FAM174A: variants seen among roughly 807,000 people sequenced by gnomAD.
FAM174A encodes the protein family with sequence similarity 174 member A.
FAM174A carries 14 observed loss-of-function variants against 14.3 expected under a neutral mutation model. That is an observed-to-expected ratio of 0.98 (90% CI 0.65 to 1.53). The LOEUF (loss-of-function observed/expected upper bound fraction) is 1.53. FAM174A is among the 40% of genes most tolerant of loss of function. FAM174A has a pLI of 0.00. For synonymous variants in FAM174A, 108 were observed against 111.4 expected, an observed-to-expected ratio of 0.97 and a Z score of 0.19; for missense variants, 241 against 249.6, an observed-to-expected ratio of 0.97 and a Z score of 0.23.
intron 2 of FAM174A, among the ~76,000 whole-genome samples, chr5:100,566,531 A>AACAAT (rs2112390413): frequency 6.6e-6 from 1 of 151,968 alleles, no homozygotes; most frequent in East Asian, 1.9e-4. Context: ...GAATATAGTT[A>AACAAT]ACAATACAAT....
Position 100,535,760 on chromosome 5 carries a change from G to A in FAM174A, c.230G>A (p.Arg77Gln), listed in dbSNP as rs769645263. Reference protein sequence around the residue: ...GRGLAEAAGPRGSEGGNGSNP... With the variant: ...GRGLAEAAGPQGSEGGNGSNP... ...GGTCTGGCTGAAGCTGCGGGGCCGCGGGGCTCCGAGGGAGGCAATGGCAGC... is the reference window on the plus strand; with the variant it reads ...GGTCTGGCTGAAGCTGCGGGGCCGCAGGGCTCCGAGGGAGGCAATGGCAGC... The change falls in exon 1 of 3, where the codon CGG (arginine) becomes CAG (glutamine). Residue 77 changes from arginine to glutamine, a missense_variant. By Grantham distance (43) the Arg-to-Gln change is conservative. Transcript: ENST00000312637. The A allele has an allele frequency of 1.1e-5, 17 of 1,603,770 alleles. No individual in the cohort carries two copies. The highest frequency in any genetic ancestry group is 3.4e-5 in the Admixed American group (2 of 59,370).
At chr5:100,554,701 G>A (rs1398320897) in intron 1 of FAM174A, among the ~76,000 whole-genome samples, 1 of 152,138 alleles carries the variant, frequency 6.6e-6, no homozygotes, top group Non-Finnish European at 1.5e-5. Flanking sequence ...TCAGAGGTTA[G>A]CAAAGTATGG....
At chr5:100,564,792 C>T (rs1323241267) in intron 2 of FAM174A, among the ~76,000 whole-genome samples, 1 of 151,690 alleles carries the variant, frequency 6.6e-6, no homozygotes, top group Non-Finnish European at 1.5e-5. Flanking sequence ...AGATAAATTC[C>T]TAGAAACATA....
chr5:100,554,029 G>A (rs897207432), intron 1 of FAM174A, among the ~76,000 whole-genome samples: 11 of 151,990 alleles, frequency 7.2e-5, no homozygotes, highest in African/African-American at 1.9e-4. Flanking sequence ...TATATGACCC[G>A]GGAGAATCTA....
intron 2 of FAM174A, among the ~76,000 whole-genome samples, chr5:100,582,924 A>G (rs978409006): frequency 6.6e-6 from 1 of 152,158 alleles, no homozygotes; most frequent in African/African-American, 2.4e-5. Context: ...ACAGTCAAAA[A>G]TCCACGTGTA....
intron 2 of FAM174A, among the ~76,000 whole-genome samples, chr5:100,585,219 A>G (rs1747104151): frequency 6.6e-6 from 1 of 152,182 alleles, no homozygotes; most frequent in East Asian, 1.9e-4. Flanking sequence ...ATGATTTAAT[A>G]CTACATCTTT....
At chr5:100,557,643 ACTT>A (rs1746422380) in intron 1 of FAM174A, among the ~76,000 whole-genome samples, 1 of 151,964 alleles carries the variant, frequency 6.6e-6, no homozygotes, top group African/African-American at 2.4e-5. Context: ...CAGAGATTCA[ACTT>A]CTTCCTGGTT....
intron 1 of FAM174A, among the ~76,000 whole-genome samples, chr5:100,540,170 T>C (rs1209971828): frequency 2.6e-5 from 4 of 152,208 alleles, no homozygotes; most frequent in Non-Finnish European, 5.9e-5. Flanking sequence ...ATGAGTTGTT[T>C]TCTTTTTCTC....
At chr5:100,558,299 G>T (rs1746440917) in intron 1 of FAM174A, among the ~76,000 whole-genome samples, 2 of 152,166 alleles carry the variant, frequency 1.3e-5, no homozygotes, top group African/African-American at 4.8e-5. Flanking sequence ...TGTGGTCTGA[G>T]ATACAGTTTG....
chr5:100,581,500 C>CCG, intron 2 of FAM174A: 1 of 538,818 alleles, frequency 1.9e-6, no homozygotes, highest in Non-Finnish European at 2.4e-6. Context: ...TGCCTGTGAT[C>CCG]CCAACACTTT....
chr5:100,539,006 C>T (rs572840547), intron 1 of FAM174A, among the ~76,000 whole-genome samples: 3 of 152,070 alleles, frequency 2.0e-5, no homozygotes, highest in South Asian at 4.2e-4. Flanking sequence ...CATGCCATGT[C>T]GTTGGTTTTT....
chr5:100,577,120 C>A (rs570080475), intron 2 of FAM174A, among the ~76,000 whole-genome samples: 2 of 152,104 alleles, frequency 1.3e-5, no homozygotes, highest in South Asian at 4.2e-4. Context: ...TTTTAAATTA[C>A]CCTGATTTGA....
chr5:100,558,298 A>AT (rs1746440862), intron 1 of FAM174A, among the ~76,000 whole-genome samples: 2 of 152,144 alleles, frequency 1.3e-5, no homozygotes, highest in African/African-American at 4.8e-5. Context: ...CTGTGGTCTG[A>AT]GATACAGTTT....
chr5:100,539,299 G>T (rs1354614505), intron 1 of FAM174A, among the ~76,000 whole-genome samples: 4 of 152,120 alleles, frequency 2.6e-5, no homozygotes, highest in African/African-American at 4.8e-5. Context: ...TAGAGGAGCA[G>T]AGGGGCATTA....
chr5:100,571,218 C>T (rs1402168897), intron 2 of FAM174A, among the ~76,000 whole-genome samples: 3 of 151,064 alleles, frequency 2.0e-5, no homozygotes, highest in African/African-American at 4.9e-5. Context: ...TTAGGGTTTG[C>T]GTTTCTCATA....
intron 2 of FAM174A, among the ~76,000 whole-genome samples, chr5:100,574,787 GT>G (rs1280078443): frequency 6.6e-6 from 1 of 152,158 alleles, no homozygotes. Context: ...AAATGGTGCA[GT>G]TTTTCATAAA....
intron 2 of FAM174A, among the ~76,000 whole-genome samples, chr5:100,571,268 A>C (rs1314215889): frequency 6.6e-6 from 1 of 151,738 alleles, no homozygotes; most frequent in Non-Finnish European, 1.5e-5. Context: ...CTATGTATTT[A>C]AAAAATCTGT....
rs1310347613 is a variant in FAM174A, at chr5:100,558,837, A to G, written c.435-3217A>G. 3.9e-5 allele frequency among the ~76,000 whole-genome samples: 6 copies of G among 152,012 alleles called. No individual in the cohort carries two copies. In the South Asian group the frequency reaches 1.0e-3, roughly 26 times the overall value. The stretch of plus-strand genomic sequence containing the variant: ...ATTTTGAGCCTATGTGTTTCTCTGC[A>G]TGTGAGATGGGTTTCCTGAATACAG... On this transcript the variant is annotated intron_variant, in intron 1 of 2. Transcript: ENST00000312637.
At chr5:100,538,800 CAATT>C (rs2112361683) in intron 1 of FAM174A, among the ~76,000 whole-genome samples, 1 of 150,774 alleles carries the variant, frequency 6.6e-6, no homozygotes, top group East Asian at 2.0e-4. Context: ...GCGAAGATCT[CAATT>C]AATACTTTTA....
Sources: gnomAD v4.1 joint callset for allele counts (sites outside exome capture counted in the v4.1 genomes callset) on GRCh38, gnomAD v4.1.1 for gene constraint, MANE v1.5 for transcripts, NCBI Gene and HGNC (gene_info 2026-07-23, HGNC 2026-07-21) for gene names.